The following RAD52 variants were observed in gnomAD, a reference collection of about 807,000 sequenced individuals.
RAD52 encodes DNA repair protein RAD52 homolog.
Under a neutral mutation model 55.5 loss-of-function variants are expected in RAD52, and 47 were observed. The observed-to-expected ratio is 0.85, with a 90% CI of 0.67 to 1.08. The LOEUF (loss-of-function observed/expected upper bound fraction) is 1.08, where lower values mean the gene tolerates loss of function less well. Ranked by LOEUF, RAD52 falls within the 50% of genes least tolerant of loss-of-function variation. The pLI, the probability that RAD52 is intolerant of heterozygous loss-of-function variation, is 0.00. For missense variants in RAD52, 468 were observed against 522.8 expected, an observed-to-expected ratio of 0.90 and a Z score of 1.02; for synonymous variants, 184 against 198.9, an observed-to-expected ratio of 0.92 and a Z score of 0.63.
chr12:980,196 C>CG lies in RAD52; in HGVS notation c.-19+9612dup, dbSNP rs572239551. ...CAGAGTGAGACTCCATCTTGGCCAG[C>CG]GGGGGGTGGAAGGGGAGGGAAGAGA... On this transcript the variant is annotated intron_variant, in intron 1 of 11. Coordinates refer to the RAD52 transcript ENST00000430095. 9.6e-5 allele frequency among the ~76,000 whole-genome samples: 14 copies of CG among 145,572 alleles called. No homozygotes were observed. In the East Asian group the frequency reaches 2.9e-3, roughly 30 times the overall value.
chr12:940,382 A>T (rs1957859942), intron 1 of RAD52, among the ~76,000 whole-genome samples: 1 of 152,118 alleles, frequency 6.6e-6, no homozygotes, highest in African/African-American at 2.4e-5. Flanking sequence ...GCGGATCACG[A>T]GGTCAAGAGA....
intron 7 of RAD52, among the ~76,000 whole-genome samples, chr12:918,284 G>A (rs1190985146): frequency 6.6e-6 from 1 of 152,176 alleles, no homozygotes; most frequent in African/African-American, 2.4e-5. Context: ...ACTGCTGCTC[G>A]TACCATGAAT....
chr12:941,261 A>G (rs1371142605), intron 1 of RAD52, among the ~76,000 whole-genome samples: 1 of 152,232 alleles, frequency 6.6e-6, no homozygotes, highest in Non-Finnish European at 1.5e-5. Flanking sequence ...ATATCTAGAA[A>G]TCAATTTAAC....
At chr12:980,362 T>C (rs61917250) in intron 1 of RAD52, among the ~76,000 whole-genome samples, 142,395 of 149,744 alleles carry the variant, frequency 0.95, 68,077 homozygotes, top group East Asian at 1. Context: ...GGTGCGATCT[T>C]GGCCCACTGC....
intron 7 of RAD52, 131 bp downstream of exon 7, chr12:925,319 G>A: frequency 1.3e-6 from 1 of 767,388 alleles, no homozygotes; most frequent in Non-Finnish European, 2.2e-6. Flanking sequence ...TTCGAAATCT[G>A]AAATCAACAT....
intron 1 of RAD52, among the ~76,000 whole-genome samples, chr12:940,524 G>C (rs1033748604): frequency 1.3e-5 from 2 of 152,022 alleles, no homozygotes; most frequent in African/African-American, 4.8e-5. Flanking sequence ...TTGAACCCGG[G>C]AGGCAGAGGT....
At chr12:972,280 A>C (rs1958869928) in intron 1 of RAD52, among the ~76,000 whole-genome samples, 2 of 152,130 alleles carry the variant, frequency 1.3e-5, no homozygotes, top group South Asian at 4.1e-4. Context: ...ACACACACAT[A>C]TATATATAAA....
chr12:953,792 C>T (rs924006894), upstream of RAD52, among the ~76,000 whole-genome samples: 1 of 152,314 alleles, frequency 6.6e-6, no homozygotes. Context: ...CACCATATTT[C>T]GCCCATCTAC....
At chr12:978,157 C>T (rs60871581) in intron 1 of RAD52, among the ~76,000 whole-genome samples, 20,789 of 152,192 alleles carry the variant, frequency 0.14, 1,921 homozygotes, top group African/African-American at 0.26. Flanking sequence ...ACTGTCCTTT[C>T]GTTCTGGACT....
upstream of RAD52, among the ~76,000 whole-genome samples, chr12:952,695 C>T (rs1234970458): frequency 1.3e-5 from 2 of 150,530 alleles, no homozygotes; most frequent in African/African-American, 4.9e-5. Flanking sequence ...AGTTCGAGAT[C>T]AGCCTGGCCA....
At chr12:939,085 T>TGTGTGTGTGTGTGTAG (rs57206780) in intron 1 of RAD52, among the ~76,000 whole-genome samples, 5,162 of 144,524 alleles carry the variant, frequency 0.036, 114 homozygotes, top group East Asian at 0.06. Flanking sequence ...TGTGTGTGTG[T>TGTGTGTGTGTGTGTAG]AGAGAGAGAG....
chr12:924,209 A>G (rs1282355433), intron 7 of RAD52, among the ~76,000 whole-genome samples: 1 of 152,170 alleles, frequency 6.6e-6, no homozygotes, highest in Non-Finnish European at 1.5e-5. Context: ...GGAATTCGAG[A>G]CCAGCCTGAC....
chr12:914,503 T>C lies in RAD52; in HGVS notation c.895A>G (p.Ser299Gly). Residue 299 changes from serine (S) to glycine (G), a missense_variant, in exon 10 of 12, where the codon AGC (serine) becomes GGC (glycine). Ser to Gly is a moderately conservative substitution (Grantham distance 56). Transcript: ENST00000358495. ...GGTTCTGAGACAGTTACAGGAGTGC[T>C]GTGCGTCACAGGAGGGGCCGGAGGC... Reference protein sequence around the residue: ...AAPPAPPVTHSTPVTVSEPLL... With the variant: ...AAPPAPPVTHGTPVTVSEPLL... 1 of 1,613,732 alleles carries C rather than the reference T, an allele frequency of 6.2e-7. No individual in the cohort carries two copies. Among genetic ancestry groups the C allele is most frequent in the Non-Finnish European group, 8.5e-7 (1 of 1,179,852 alleles).
chr12:936,320 C>CA (rs2154116138), intron 1 of RAD52, among the ~76,000 whole-genome samples: 1 of 151,706 alleles, frequency 6.6e-6, no homozygotes, highest in South Asian at 2.1e-4. Context: ...CAAAACAAAA[C>CA]AAACAAAAAA....
At chr12:985,639 G>A (rs987236151) in intron 1 of RAD52, among the ~76,000 whole-genome samples, 5 of 152,226 alleles carry the variant, frequency 3.3e-5, no homozygotes, top group African/African-American at 1.2e-4. Flanking sequence ...TCTTTTGCAT[G>A]TGATATTCAA....
At chr12:978,915 T>TAGATAGATAGATAGAC (rs1298086324) in intron 1 of RAD52, among the ~76,000 whole-genome samples, 2 of 151,606 alleles carry the variant, frequency 1.3e-5, no homozygotes, top group African/African-American at 4.9e-5. Context: ...GATAGATAGA[T>TAGATAGATAGATAGAC]AGACAGACAG....
At position 914,088 on chromosome 12, in the gene RAD52, ACAGCCCACTTTT is replaced by A. The variant is rs1157902171; in HGVS notation, c.989_1000del (p.Glu330_Ala333del). 6.2e-7 allele frequency: 1 copy of A among 1,614,198 alleles called. No homozygotes were observed. Among genetic ancestry groups the A allele is most frequent in the Non-Finnish European group, 8.5e-7 (1 of 1,180,036 alleles). On this transcript the variant is annotated inframe_deletion, in exon 11 of 12. Transcript: ENST00000358495. ...CACACCATCCCCTGCATCGGGAGTC[ACAGCCCACTTTT>A]CAGAGTTGTCTTCAAGAGTCTCTAC...
chr12:966,139 A>C (rs1411994975), intron 1 of RAD52, among the ~76,000 whole-genome samples: 1 of 151,482 alleles, frequency 6.6e-6, no homozygotes, highest in Non-Finnish European at 1.5e-5. Context: ...AATTTTTAAA[A>C]ATTTTTTAGT....
In RAD52 at chr12:930,120, C is replaced by T; in HGVS notation, c.211G>A (p.Val71Ile). The T allele has an allele frequency of 3.1e-6, 5 of 1,613,902 alleles. No homozygotes were observed. Among genetic ancestry groups the T allele is most frequent in the Non-Finnish European group, 4.2e-6 (5 of 1,179,814 alleles). Residue 71 changes from valine to isoleucine, a missense_variant, in exon 4 of 12, where the codon GTA (valine) becomes ATA (isoleucine). Physicochemically the swap from Val to Ile is conservative, Grantham distance 29. Transcript: ENST00000358495. ...QKVCYIEGHR[V>I]INLANEMFGY... Reference sequence around the variant, plus strand: ...AACATCTCATTGGCCAGATTAATTACCCGATGACCCTCAATGTAGCACACC... The same window carrying T: ...AACATCTCATTGGCCAGATTAATTATCCGATGACCCTCAATGTAGCACACC...
Sources: allele counts gnomAD v4.1 joint callset (sites outside exome capture counted in the v4.1 genomes callset), GRCh38; gene constraint gnomAD v4.1.1; transcripts MANE v1.5; gene names NCBI Gene and HGNC (gene_info 2026-07-23, HGNC 2026-07-21).